GNMT: variants seen among roughly 807,000 people sequenced by gnomAD.
GNMT encodes epididymis secretory sperm binding protein Li 182mP.
In GNMT, 26 loss-of-function variants were observed where a neutral mutation model predicts 30.2. That is an observed-to-expected ratio of 0.86 (90% CI 0.63 to 1.19). The LOEUF is 1.19. GNMT is among the 50% of genes most tolerant of loss of function. The pLI is 0.00. For synonymous variants in GNMT, 163 were observed against 163.8 expected (o/e 1.00, Z 0.04); for missense variants, 365 against 398.1 (o/e 0.92, Z 0.71).
chr6:42,963,796 C>A lies in GNMT; in HGVS notation c.*90C>A. ...CCAGCAGCCCCACACCAGGGCCAGCCTCTAGAGCAGACTACAGCTGGGGTG... is the reference window on the plus strand; with the variant it reads ...CCAGCAGCCCCACACCAGGGCCAGCATCTAGAGCAGACTACAGCTGGGGTG... On this transcript the variant is annotated 3_prime_UTR_variant, in exon 6 of 6. Coordinates refer to ENST00000372808, the MANE Select transcript of GNMT (RefSeq NM_018960.6). The A allele has an allele frequency of 7.9e-7, 1 of 1,259,278 alleles. No homozygotes were observed. The highest frequency in any genetic ancestry group is 1.2e-6 in the Non-Finnish European group (1 of 867,434). The allele number at this position is 1,259,278 out of a possible 1,614,324, so 78.0% of individuals were successfully genotyped here.
chr6:42,961,024 A>G, intron 1 of GNMT, 51 bp downstream of exon 1: 1 of 1,408,810 alleles, frequency 7.1e-7, no homozygotes, highest in Non-Finnish European at 9.6e-7. Flanking sequence ...GGTCTGTCTC[A>G]GCCTGTACTG....
In GNMT at chr6:42,963,680, A is replaced by C. The variant is rs757976871; in HGVS notation, c.862A>C (p.Ile288Leu). The change falls in exon 6 of 6, where the codon ATC (isoleucine) becomes CTC (leucine). Residue 288 changes from isoleucine to leucine, a missense_variant. By Grantham distance (5) the Ile-to-Leu change is conservative. This residue lies in a region of GNMT where 232 missense variants were observed against 263.0 expected (regional missense o/e 0.88). Coordinates refer to ENST00000372808, the MANE Select transcript of GNMT (RefSeq NM_018960.6). ...CCAAACCTACATTCCCTGCTACTTC[A>C]TCCACGTGCTCAAGAGGACAGACTG... ...PGQTYIPCYFIHVLKRTD is the reference protein window; with the variant it reads ...PGQTYIPCYFLHVLKRTD 2.5e-6 allele frequency: 4 copies of C among 1,613,998 alleles called. No homozygotes were observed. The African/African-American group carries it at 5.3e-5, about 22-fold the overall frequency.
Position 42,960,851 on chromosome 6 carries a change from G to A in GNMT, c.84G>A (p.Ala28=), listed in dbSNP as rs1161642455. Residue 28 remains alanine (A), a synonymous_variant, in exon 1 of 6, where the codon GCG becomes GCA. Coordinates refer to ENST00000372808, the MANE Select transcript of GNMT (RefSeq NM_018960.6). ...LPDQYADGEA[A]RVWQLYIGDT... ...ACCAGTACGCGGACGGGGAGGCGGC[G>A]CGCGTGTGGCAGCTGTATATCGGAG... The A allele has an allele frequency of 1.9e-6, 3 of 1,555,634 alleles. No individual in the cohort carries two copies. The highest frequency in any genetic ancestry group is 1.9e-5 in the Admixed American group (1 of 52,130).
In GNMT at chr6:42,961,845, G is replaced by T. The variant is rs138355691; in HGVS notation, c.207-367G>T. On this transcript the variant is annotated intron_variant, in intron 1 of 5. Coordinates refer to ENST00000372808, the MANE Select transcript of GNMT (RefSeq NM_018960.6). ...TGGGATTACAGGCATGAGCCACCGC[G>T]CCCGGCTTTGTCCTGTGCTCTAAAC... Among the ~76,000 whole-genome samples, 5 of 152,244 alleles carry T rather than the reference G, an allele frequency of 3.3e-5. 1 individual carries two copies. In the East Asian group the frequency reaches 5.8e-4, roughly 18 times the overall value.
chr6:42,962,325 C>A lies in GNMT; in HGVS notation c.320C>A (p.Ala107Asp), dbSNP rs1162245407. The part of the protein sequence containing the change: ...KERWNRRHEP[A>D]FDKWVIEEAN... ...CGCTGGAACCGGCGGCACGAGCCCG[C>A]CTTCGACAAGTGGGGTATGCAGGTC... Residue 107 changes from alanine (A) to aspartate (D), a missense_variant, in exon 2 of 6, where the codon GCC (alanine) becomes GAC (aspartate). By Grantham distance (126) the Ala-to-Asp change is moderately radical. Coordinates refer to ENST00000372808, the MANE Select transcript of GNMT (RefSeq NM_018960.6). 1 of 1,614,086 alleles carries A rather than the reference C, an allele frequency of 6.2e-7. No homozygotes were observed. The highest frequency in any genetic ancestry group is 1.3e-5 in the African/African-American group (1 of 75,028).
Position 42,963,057 on chromosome 6 carries a change from G to C in GNMT, c.452-15G>C. ...CTGAGCAGATGGAGTCTTTCTGCCC[G>C]TGCCTGGAGCTCAGGGGACCAGAGT... On this transcript the variant is annotated splice_polypyrimidine_tract_variant and intron_variant, in intron 3 of 5. Transcript: ENST00000372808. 6.2e-7 allele frequency: 1 copy of C among 1,611,174 alleles called. No homozygotes were observed. The highest frequency in any genetic ancestry group is 8.5e-7 in the Non-Finnish European group (1 of 1,179,942).
At chr6:42,963,259 G>A in intron 4 of GNMT, 45 bp downstream of exon 4, 7 of 1,493,544 alleles carry the variant, frequency 4.7e-6, no homozygotes, top group Non-Finnish European at 6.3e-6. Context: ...TGGGGGTGGG[G>A]TGGAGGGAGG....
Position 42,962,308 on chromosome 6 carries a change from C to A in GNMT, c.303C>A (p.Asn101Lys), listed in dbSNP as rs1280374781. ...AGTATGCACTTAAGGAGCGCTGGAA[C>A]CGGCGGCACGAGCCCGCCTTCGACA... ...MLKYALKERW[N>K]RRHEPAFDKW... Residue 101 changes from asparagine to lysine, a missense_variant, in exon 2 of 6, where the codon AAC becomes AAA. By Grantham distance (94) the Asn-to-Lys change is moderately conservative. Coordinates refer to ENST00000372808, the MANE Select transcript of GNMT (RefSeq NM_018960.6). 15 of 1,614,028 alleles carry A rather than the reference C, an allele frequency of 9.3e-6. No homozygotes were observed. Among genetic ancestry groups the A allele is most frequent in the South Asian group, 6.6e-5 (6 of 91,090 alleles).
Position 42,963,694 on chromosome 6 carries a change from G to A in GNMT, c.876G>A (p.Lys292=). Residue 292 remains lysine, a synonymous_variant, in exon 6 of 6, where the codon AAG becomes AAA. Coordinates refer to ENST00000372808, the MANE Select transcript of GNMT (RefSeq NM_018960.6). ...YIPCYFIHVL[K]RTD is the part of the protein sequence containing the mutation. Reference sequence around the variant, plus strand: ...CCTGCTACTTCATCCACGTGCTCAAGAGGACAGACTGAGTGTGGCCTCAGC... The same window carrying A: ...CCTGCTACTTCATCCACGTGCTCAAAAGGACAGACTGAGTGTGGCCTCAGC... 5 of 1,614,106 alleles carry A rather than the reference G, an allele frequency of 3.1e-6. No individual in the cohort carries two copies. The highest frequency in any genetic ancestry group is 1.1e-5 in the South Asian group (1 of 91,084).
chr6:42,963,044 A>G (rs1469890581), intron 3 of GNMT, 28 bp from the exon 4 acceptor site: 1 of 1,610,378 alleles, frequency 6.2e-7, no homozygotes, highest in South Asian at 1.1e-5. Flanking sequence ...GAGCAGATGG[A>G]GTCTTTCTGC....
rs888403943 is a variant in GNMT, at chr6:42,960,878, C to T, written c.111C>T (p.Asp37=). ...AARVWQLYIG[D]TRSRTAEYKA... The stretch of plus-strand genomic sequence containing the variant: ...GCGTGTGGCAGCTGTATATCGGAGA[C>T]ACCCGCAGCCGCACCGCCGAGTACA... The change falls in exon 1 of 6, where the codon GAC becomes GAT. Residue 37 remains aspartate (D), a synonymous_variant. Transcript: ENST00000372808. 3 of 1,553,672 alleles carry T rather than the reference C, an allele frequency of 1.9e-6. No individual in the cohort carries two copies. The highest frequency in any genetic ancestry group is 2.4e-5 in the South Asian group (2 of 84,740).
In GNMT at chr6:42,963,623, G is replaced by A. The variant is rs112686919; in HGVS notation, c.805G>A (p.Val269Ile). 136 of 1,614,068 alleles carry A rather than the reference G, an allele frequency of 8.4e-5. No individual in the cohort carries two copies. The African/African-American group carries it at 1.3e-3, about 16-fold the overall frequency. ...CTTCGGAGGTAAGTGCCAGCACAGC[G>A]TCCTGGGCGACTTCAAGCCTTACAA... ...AAFGGKCQHSVLGDFKPYKPG... is the reference protein window; with the variant it reads ...AAFGGKCQHSILGDFKPYKPG... The change falls in exon 6 of 6, where the codon GTC becomes ATC. Residue 269 changes from valine (V) to isoleucine (I), a missense_variant. Transcript: ENST00000372808.
rs1257091270 is a variant in GNMT at position 42,960,757 on chromosome 6, C to G, written c.-11C>G. ...CGGAGCGGGTGGCTGCGGAGCCAGG[C>G]GCGGCGCAGGATGGTGGACAGCGTG... On this transcript the variant is annotated 5_prime_UTR_variant, in exon 1 of 6. Coordinates refer to ENST00000372808, the MANE Select transcript of GNMT (RefSeq NM_018960.6). The G allele has an allele frequency of 6.7e-7, 1 of 1,499,266 alleles. No homozygotes were observed. Among genetic ancestry groups the G allele is most frequent in the Non-Finnish European group, 8.9e-7 (1 of 1,120,806 alleles). 92.9% of individuals were successfully genotyped at this position (1,499,266 alleles called of 1,614,324 possible).
rs200877041 is a variant in GNMT at position 42,963,685 on chromosome 6, C to T, written c.867C>T (p.His289=). 1.5e-5 allele frequency: 24 copies of T among 1,614,152 alleles called. No individual in the cohort carries two copies. Among genetic ancestry groups the T allele is most frequent in the East Asian group, 6.7e-5 (3 of 44,882 alleles). The part of the protein sequence containing the change: ...GQTYIPCYFI[H]VLKRTD Reference sequence around the variant, plus strand: ...CCTACATTCCCTGCTACTTCATCCACGTGCTCAAGAGGACAGACTGAGTGT... The same window carrying T: ...CCTACATTCCCTGCTACTTCATCCATGTGCTCAAGAGGACAGACTGAGTGT... The change falls in exon 6 of 6, where the codon CAC becomes CAT. Residue 289 remains histidine (H), a synonymous_variant. Coordinates refer to ENST00000372808, the MANE Select transcript of GNMT (RefSeq NM_018960.6).
Position 42,960,968 on chromosome 6 carries a change from C to G in GNMT, c.201C>G (p.Gly67=), listed in dbSNP as rs777005322. 1.3e-6 allele frequency: 2 copies of G among 1,555,520 alleles called. No homozygotes were observed. The change falls in exon 1 of 6, where the codon GGC becomes GGG. Residue 67 remains glycine, a synonymous_variant. Transcript: ENST00000372808. ...AGCGGGTGCTCGACGTAGCCTGTGGCACTGGGTGAGCCCAGGCCGGGGCCG... is the reference window on the plus strand; with the variant it reads ...AGCGGGTGCTCGACGTAGCCTGTGGGACTGGGTGAGCCCAGGCCGGGGCCG... ...GCQRVLDVAC[G]TGVDSIMLVE... is the part of the protein sequence containing the mutation.
rs1314420792 is a variant in GNMT at position 42,960,948 on chromosome 6, G to A, written c.181G>A (p.Val61Met). ...GCTGCGCCAGCACGGCTGCCAGCGG[G>A]TGCTCGACGTAGCCTGTGGCACTGG... ...GLLRQHGCQR[V>M]LDVACGTGVD... The change falls in exon 1 of 6, where the codon GTG (valine) becomes ATG (methionine). Residue 61 changes from valine (V) to methionine (M), a missense_variant. Val to Met is a conservative substitution (Grantham distance 21). Transcript: ENST00000372808. The A allele has an allele frequency of 6.4e-7, 1 of 1,563,362 alleles. No individual in the cohort carries two copies. Among genetic ancestry groups the A allele is most frequent in the Non-Finnish European group, 8.6e-7 (1 of 1,160,440 alleles).
At chr6:42,962,112 T>G in intron 1 of GNMT, 100 bp from the exon 2 acceptor site, 2 of 1,351,744 alleles carry the variant, frequency 1.5e-6, no homozygotes, top group Non-Finnish European at 2.1e-6. Context: ...GAACGGACTC[T>G]GAGAAGTAGA....
chr6:42,961,075 CT>C (rs1202383173), intron 1 of GNMT, 102 bp downstream of exon 1: 2 of 1,025,822 alleles, frequency 1.9e-6, no homozygotes, highest in Non-Finnish European at 2.7e-6. Context: ...TCAGGGCGGC[CT>C]TTGCCAATCC....
rs749978652 is a variant in GNMT, at chr6:42,962,810, C to T, written c.383C>T (p.Ser128Leu). The T allele has an allele frequency of 6.2e-7, 1 of 1,614,156 alleles. No individual in the cohort carries two copies. Among genetic ancestry groups the T allele is most frequent in the Non-Finnish European group, 8.5e-7 (1 of 1,179,982 alleles). Residue 128 changes from serine to leucine, a missense_variant, in exon 3 of 6, where the codon TCA becomes TTA. This residue lies in a region of GNMT where 232 missense variants were observed against 263.0 expected (regional missense o/e 0.88). Coordinates refer to ENST00000372808, the MANE Select transcript of GNMT (RefSeq NM_018960.6). ...WMTLDKDVPQ[S>L]AEGGFDAVIC... ...ACTCTGGACAAAGATGTGCCCCAGTCAGCAGAGGGTGGCTTTGATGCTGTC... is the reference window on the plus strand; with the variant it reads ...ACTCTGGACAAAGATGTGCCCCAGTTAGCAGAGGGTGGCTTTGATGCTGTC...
Sources: allele counts gnomAD v4.1 joint callset (sites outside exome capture counted in the v4.1 genomes callset), GRCh38; gene constraint gnomAD v4.1.1; regional missense constraint gnomAD v4.1.1; transcripts MANE v1.5; gene names NCBI Gene and HGNC (gene_info 2026-07-23, HGNC 2026-07-21).